JAK1: variants seen among roughly 807,000 people sequenced by gnomAD.
JAK1 encodes the protein Janus kinase 1, also known as tyrosine-protein kinase JAK1.
Under a neutral mutation model 136.6 loss-of-function variants are expected in JAK1, and 16 were observed. That is an observed-to-expected ratio of 0.12 (90% CI 0.08 to 0.18). JAK1 has a LOEUF of 0.18. JAK1 is among the 10% of genes least tolerant of loss of function. The probability of loss-of-function intolerance (pLI) is 1.00; values close to 1 mark genes in which losing one functional copy is unlikely to be tolerated. For missense variants in JAK1, 859 were observed against 1,450.1 expected (o/e 0.59, Z 6.62); for synonymous variants, 492 against 519.5 (o/e 0.95, Z 0.72).
intron 1 of JAK1, among the ~76,000 whole-genome samples, chr1:64,947,245 C>T (rs547541196): frequency 4.8e-4 from 73 of 151,110 alleles, no homozygotes; most frequent in Non-Finnish European, 8.8e-4. Flanking sequence ...AATTTTTTAA[C>T]TGCCAGTTCA....
chr1:64,906,057 G>A (rs2100231162), intron 1 of JAK1, among the ~76,000 whole-genome samples: 1 of 152,308 alleles, frequency 6.6e-6, no homozygotes, highest in East Asian at 1.9e-4. Context: ...TACCTTGGGA[G>A]GCCAAGGTGA....
chr1:64,910,180 T>C (rs965822162), intron 1 of JAK1, among the ~76,000 whole-genome samples: 8 of 152,196 alleles, frequency 5.3e-5, no homozygotes, highest in Non-Finnish European at 1.0e-4. Flanking sequence ...TAAGAACACA[T>C]TGAATAAAAC....
Position 64,984,933 on chromosome 1 carries a change from A to G in JAK1, c.-78+59547T>C. The G allele has an allele frequency of 9.0e-7, 1 of 1,117,278 alleles. No homozygotes were observed. The highest frequency in any genetic ancestry group is 2.4e-5 in the East Asian group (1 of 42,364). The allele number at this position is 1,117,278 out of a possible 1,614,324, so 69.2% of individuals were successfully genotyped here. A position where few individuals can be genotyped will look rare whatever the true frequency, so the allele number is the denominator to read the frequency against. On this transcript the variant is annotated intron_variant, in intron 2 of 25. Coordinates refer to the JAK1 transcript ENST00000671954. The surrounding 1 kb of genome is among the most constrained non-coding windows in gnomAD (Gnocchi z 4.1). ...GCCCTGGCTGAAGAGTTCAGCCACA[A>G]TAAACCAGGGAATGTGGTCTGGCCC... is the stretch of plus-strand genomic sequence containing the variant.
intron 1 of JAK1, among the ~76,000 whole-genome samples, chr1:64,946,325 CTAAT>C (rs1391735839): frequency 6.6e-6 from 1 of 152,126 alleles, no homozygotes; most frequent in Non-Finnish European, 1.5e-5. Context: ...ATTTAATAGT[CTAAT>C]TAACCCTAGC....
chr1:64,978,911 C>T (rs1410070912), intron 2 of JAK1, among the ~76,000 whole-genome samples: 9 of 150,398 alleles, frequency 6.0e-5, no homozygotes, highest in Non-Finnish European at 1.2e-4. Context: ...TCAGATATCT[C>T]CTTAGTTTGG....
chr1:64,951,881 A>C (rs902087745), intron 1 of JAK1, among the ~76,000 whole-genome samples: 10 of 152,094 alleles, frequency 6.6e-5, no homozygotes, highest in Admixed American at 6.5e-4. Context: ...GATGGTCTCG[A>C]ATCCTGACCT....
intron 2 of JAK1, among the ~76,000 whole-genome samples, chr1:64,997,516 TA>T (rs34238705): frequency 1.3e-5 from 2 of 152,010 alleles, no homozygotes; most frequent in African/African-American, 2.4e-5. Context: ...GGTAGGTGGT[TA>T]AAAAAAATCT....
intron 2 of JAK1, among the ~76,000 whole-genome samples, chr1:65,026,753 G>C (rs1393440859): frequency 6.6e-6 from 1 of 151,998 alleles, no homozygotes; most frequent in Non-Finnish European, 1.5e-5. Context: ...ATCACCTGAG[G>C]CCAGGAGTTT....
chr1:65,040,568 G>A (rs770271703), intron 2 of JAK1, among the ~76,000 whole-genome samples: 1 of 152,012 alleles, frequency 6.6e-6, no homozygotes, highest in Non-Finnish European at 1.5e-5. Flanking sequence ...AGGTTCCAGG[G>A]ATCAGAATGT....
intron 1 of JAK1, among the ~76,000 whole-genome samples, chr1:65,060,052 T>C (rs570336922): frequency 1.3e-5 from 2 of 152,046 alleles, no homozygotes; most frequent in South Asian, 2.1e-4. Flanking sequence ...TGCAAAAATA[T>C]CTAAAAATTA....
intron 2 of JAK1, among the ~76,000 whole-genome samples, chr1:65,006,205 G>T (rs1178006765): frequency 6.6e-6 from 1 of 152,098 alleles, no homozygotes; most frequent in Non-Finnish European, 1.5e-5. Flanking sequence ...AATCTCTTAA[G>T]GTTTTTTGAA....
chr1:65,057,757 A>T (rs1647613381), intron 1 of JAK1: 1 of 154,854 alleles, frequency 6.5e-6, no homozygotes, highest in South Asian at 2.0e-4. Context: ...TGTGCCAGAT[A>T]TCACTGCAGA....
chr1:64,984,485 AG>A lies in JAK1; in HGVS notation c.-78+59994del. On this transcript the variant is annotated intron_variant, in intron 2 of 25. Coordinates refer to the JAK1 transcript ENST00000671954. The surrounding 1 kb of genome is among the most constrained non-coding windows in gnomAD (Gnocchi z 4.1). ...AATTCAACAAGCTCCAGTCTTGTTGAGGGAGAAAGGAATCAAGTAGCAGCAT... is the reference window on the plus strand; with the variant it reads ...AATTCAACAAGCTCCAGTCTTGTTGAGGAGAAAGGAATCAAGTAGCAGCAT... 4.0e-6 allele frequency: 1 copy of A among 250,514 alleles called. No homozygotes were observed. 15.5% of individuals were successfully genotyped at this position (250,514 alleles called of 1,614,324 possible).
chr1:64,934,019 G>C (rs367685095), intron 1 of JAK1, among the ~76,000 whole-genome samples: 1 of 152,224 alleles, frequency 6.6e-6, no homozygotes, highest in Non-Finnish European at 1.5e-5. Context: ...TCTGGAATTT[G>C]GGAGCTGACA....
intron 1 of JAK1, among the ~76,000 whole-genome samples, chr1:64,907,903 A>C (rs1556560): frequency 6.6e-6 from 1 of 152,164 alleles, no homozygotes; most frequent in South Asian, 2.1e-4. Context: ...TGTATTCATT[A>C]ATTGAAATAC....
intron 17 of JAK1, among the ~76,000 whole-genome samples, chr1:64,841,976 T>C (rs751331279): frequency 2.0e-5 from 3 of 152,238 alleles, no homozygotes; most frequent in Non-Finnish European, 4.4e-5. Context: ...CAAATATTTA[T>C]GTACAAGGAT....
chr1:65,003,953 GT>G (rs1188594594), intron 2 of JAK1: 1 of 152,112 alleles, frequency 6.6e-6, no homozygotes, highest in African/African-American at 2.4e-5. Context: ...GTTTTGTTTT[GT>G]TTTTTGAGAC....
At chr1:64,920,006 C>T (rs1645467979) in intron 1 of JAK1, among the ~76,000 whole-genome samples, 2 of 151,962 alleles carry the variant, frequency 1.3e-5, no homozygotes, top group Non-Finnish European at 2.9e-5. Context: ...AAATAATAAA[C>T]GACATCAAAA....
At chr1:64,928,015 G>T (rs1645612572) in intron 1 of JAK1, among the ~76,000 whole-genome samples, 1 of 152,200 alleles carries the variant, frequency 6.6e-6, no homozygotes, top group Non-Finnish European at 1.5e-5. Flanking sequence ...ATATAGACTA[G>T]CAGCAGCCCT....
Sources: allele counts gnomAD v4.1 joint callset (sites outside exome capture counted in the v4.1 genomes callset), GRCh38; gene constraint gnomAD v4.1.1; non-coding constraint Gnocchi (gnomAD v3.1); transcripts MANE v1.5; gene names NCBI Gene and HGNC (gene_info 2026-07-23, HGNC 2026-07-21).